ZNF227: variants seen among roughly 807,000 people sequenced by gnomAD.
The protein encoded by ZNF227 is zinc finger protein 227.
Under a neutral mutation model 13.2 loss-of-function variants are expected in ZNF227, and 12 were observed. That is an observed-to-expected ratio of 0.91 (90% CI 0.58 to 1.47). ZNF227 has a LOEUF of 1.47. Ranked by LOEUF, ZNF227 falls within the 40% of genes most tolerant of loss-of-function variation. The pLI is 0.00. For synonymous variants in ZNF227, 338 were observed against 326.0 expected, an observed-to-expected ratio of 1.04 and a Z score of -0.40; for missense variants, 885 against 967.5, an observed-to-expected ratio of 0.91 and a Z score of 1.13.
At chr19:44,230,504 G>A (rs1036739440) in intron 5 of ZNF227, among the ~76,000 whole-genome samples, 2 of 151,962 alleles carry the variant, frequency 1.3e-5, no homozygotes, top group African/African-American at 2.4e-5. Context: ...GCTGGCCGCC[G>A]TTGGAGTATT....
rs1196347735 is a variant in ZNF227 at position 44,236,952 on chromosome 19, ATCTT to A, written c.*126_*129del. The A allele has an allele frequency of 8.2e-6, 6 of 735,700 alleles. No individual in the cohort carries two copies. Among genetic ancestry groups the A allele is most frequent in the South Asian group, 2.0e-5 (1 of 50,382 alleles). The allele number at this position is 735,700 out of a possible 1,614,324, so 45.6% of individuals were successfully genotyped here. On this transcript the variant is annotated 3_prime_UTR_variant, in exon 6 of 6. Coordinates refer to ENST00000313040, the MANE Select transcript of ZNF227 (RefSeq NM_182490.3). ...GGAAGGGGGTTTGTTCACACTTGGA[ATCTT>A]TCTAACAAATCCATCAAGATGATAA...
At chr19:44,215,231 A>G (rs546891004) in intron 2 of ZNF227, among the ~76,000 whole-genome samples, 1 of 145,102 alleles carries the variant, frequency 6.9e-6, no homozygotes, top group South Asian at 2.2e-4. Context: ...CAGTGGCGCC[A>G]TCTCGGTTCA....
At chr19:44,215,133 A>G (rs1971733747) in intron 2 of ZNF227, among the ~76,000 whole-genome samples, 1 of 149,868 alleles carries the variant, frequency 6.7e-6, no homozygotes, top group Admixed American at 6.7e-5. Flanking sequence ...AAGGCTGCAG[A>G]TGGTTGTCTT....
At chr19:44,210,498 C>G (rs1971314129), upstream of ZNF227, among the ~76,000 whole-genome samples, 1 of 152,208 alleles carries the variant, frequency 6.6e-6, no homozygotes, top group Non-Finnish European at 1.5e-5. Context: ...ATATTAGCTA[C>G]TACACACTAC....
At chr19:44,227,760 T>C (rs1345204884) in intron 3 of ZNF227, among the ~76,000 whole-genome samples, 1 of 152,164 alleles carries the variant, frequency 6.6e-6, no homozygotes, top group Non-Finnish European at 1.5e-5. Context: ...GTCCTATAAC[T>C]AGTAAAAGGC....
At chr19:44,224,129 A>G (rs1203270460) in intron 3 of ZNF227, among the ~76,000 whole-genome samples, 2 of 152,350 alleles carry the variant, frequency 1.3e-5, no homozygotes, top group Non-Finnish European at 2.9e-5. Context: ...GGTCTGAGAG[A>G]CAGACAGTTT....
chr19:44,215,214 C>G (rs1255365293), intron 2 of ZNF227, among the ~76,000 whole-genome samples: 1 of 150,328 alleles, frequency 6.7e-6, no homozygotes, highest in East Asian at 2.0e-4. Flanking sequence ...TCGCCCAGAC[C>G]GGAGTGCAGT....
chr19:44,216,455 C>A (rs1971889281), intron 2 of ZNF227, among the ~76,000 whole-genome samples: 1 of 152,012 alleles, frequency 6.6e-6, no homozygotes, highest in South Asian at 2.1e-4. Context: ...TTTTGCATTT[C>A]TGAGTTTTAT....
intron 3 of ZNF227, among the ~76,000 whole-genome samples, chr19:44,220,464 T>G (rs62117777): frequency 5.1e-4 from 77 of 151,970 alleles, no homozygotes; most frequent in African/African-American, 1.7e-3. Context: ...TTTTTTTAAC[T>G]TTAAAAAAAT....
At chr19:44,228,324 TTGAC>T (rs1973402744) in intron 3 of ZNF227, 118 bp from the exon 4 acceptor site, 2 of 1,129,770 alleles carry the variant, frequency 1.8e-6, no homozygotes, top group South Asian at 3.3e-5. Context: ...CAGCTGAAAA[TTGAC>T]TGAGATCTCT....
chr19:44,224,134 CAGTT>C (rs1972847367), intron 3 of ZNF227, among the ~76,000 whole-genome samples: 2 of 152,236 alleles, frequency 1.3e-5, no homozygotes, highest in South Asian at 4.1e-4. Flanking sequence ...GAGAGACAGA[CAGTT>C]TGTTATAATT....
intron 5 of ZNF227, among the ~76,000 whole-genome samples, chr19:44,233,951 T>C (rs1309577876): frequency 1.3e-5 from 2 of 152,136 alleles, no homozygotes; most frequent in Non-Finnish European, 2.9e-5. Flanking sequence ...TCGTGTGTTA[T>C]GGAAGGCATC....
intron 3 of ZNF227, among the ~76,000 whole-genome samples, chr19:44,221,020 T>G (rs1599791693): frequency 1.3e-5 from 2 of 151,926 alleles, no homozygotes; most frequent in African/African-American, 4.8e-5. Flanking sequence ...TATTCCATGG[T>G]GTATATGTGC....
chr19:44,227,247 A>C (rs949473964), intron 3 of ZNF227: 1 of 152,028 alleles, frequency 6.6e-6, no homozygotes, highest in Non-Finnish European at 1.5e-5. Context: ...TTTAATTCTA[A>C]AAATTTATTT....
At chr19:44,210,900 G>T (rs1424981654), upstream of ZNF227, among the ~76,000 whole-genome samples, 1 of 152,088 alleles carries the variant, frequency 6.6e-6, no homozygotes, top group Non-Finnish European at 1.5e-5. Flanking sequence ...TTTTAAAAAA[G>T]TTGTGAAAAT....
In ZNF227 at chr19:44,235,633, C is replaced by T. The variant is rs780923696; in HGVS notation, c.1203C>T (p.Val401=). The change falls in exon 6 of 6, where the codon GTC becomes GTT. Residue 401 remains valine (V), a synonymous_variant. Transcript: ENST00000313040. ...TTAATCTCCGTGTTCACCAGAGGGT[C>T]CACAGGGGTGAGAAGCCCTATAAAT... ...WSVNLRVHQR[V]HRGEKPYKCE... The T allele has an allele frequency of 3.7e-6, 6 of 1,613,736 alleles. No individual in the cohort carries two copies. The highest frequency in any genetic ancestry group is 3.3e-5 in the South Asian group (3 of 91,062).
chr19:44,207,740 C>T (rs1172864893), upstream of ZNF227: 1 of 152,346 alleles, frequency 6.6e-6, no homozygotes, highest in African/African-American at 2.4e-5. Flanking sequence ...TCGGCTGAGC[C>T]TCACGTTTGG....
At chr19:44,213,057 G>A (rs889849965) in intron 1 of ZNF227, 33 bp from the exon 2 acceptor site, 9 of 151,814 alleles carry the variant, frequency 5.9e-5, no homozygotes, top group African/African-American at 2.2e-4. Flanking sequence ...AGCTCTTCCC[G>A]AACTTTTACA....
Position 44,235,464 on chromosome 19 carries a change from C to T in ZNF227, c.1034C>T (p.Thr345Ile). Residue 345 changes from threonine to isoleucine, a missense_variant, in exon 6 of 6, where the codon ACT becomes ATT. Transcript: ENST00000313040. ...ACGGGTCTTATCATTCATTACAGAA[C>T]TCATACTGGAGAGAAACCCTATAAA... Reference protein sequence around the residue: ...SSTGLIIHYRTHTGEKPYKCE... With the variant: ...SSTGLIIHYRIHTGEKPYKCE... The T allele has an allele frequency of 1.9e-6, 3 of 1,614,106 alleles. No individual in the cohort carries two copies. The highest frequency in any genetic ancestry group is 2.5e-6 in the Non-Finnish European group (3 of 1,180,038).
Sources: allele counts gnomAD v4.1 joint callset (sites outside exome capture counted in the v4.1 genomes callset), GRCh38; gene constraint gnomAD v4.1.1; transcripts MANE v1.5; gene names NCBI Gene and HGNC (gene_info 2026-07-23, HGNC 2026-07-21).